IFT74: variants seen among roughly 807,000 people sequenced by gnomAD.
The protein encoded by IFT74 is intraflagellar transport protein 74 homolog.
Under a neutral mutation model 96.7 loss-of-function variants are expected in IFT74, and 92 were observed. That is an observed-to-expected ratio of 0.95 (90% CI 0.80 to 1.13). The LOEUF is 1.13. Ranked by LOEUF, IFT74 falls within the 50% of genes most tolerant of loss-of-function variation. The pLI, the probability that IFT74 is intolerant of heterozygous loss-of-function variation, is 0.00. For missense variants in IFT74, 811 were observed against 698.2 expected, an observed-to-expected ratio of 1.16 and a Z score of -1.82; for synonymous variants, 223 against 213.2, an observed-to-expected ratio of 1.05 and a Z score of -0.40.
chr9:26,978,627 A>G (rs77035983), intron 3 of IFT74, among the ~76,000 whole-genome samples: 1 of 152,194 alleles, frequency 6.6e-6, no homozygotes, highest in South Asian at 2.1e-4. Flanking sequence ...GTCTTGGAGA[A>G]AAGTTCAAGA....
intron 13 of IFT74, among the ~76,000 whole-genome samples, chr9:27,032,340 G>A (rs776242512): frequency 1.3e-5 from 2 of 152,066 alleles, no homozygotes; most frequent in Admixed American, 6.6e-5. Flanking sequence ...TGGGGTTTGC[G>A]GGAGGATCAA....
intron 11 of IFT74, 34 bp downstream of exon 11, chr9:27,017,084 C>A: frequency 6.4e-7 from 1 of 1,572,616 alleles, no homozygotes; most frequent in Non-Finnish European, 8.6e-7. Flanking sequence ...TTTAAGATGT[C>A]TGGTTTTGGT....
At position 27,036,750 on chromosome 9, in the gene IFT74, G is replaced by A. The variant is rs1161163937; in HGVS notation, c.1054+7646G>A. On this transcript the variant is annotated intron_variant, in intron 13 of 19. Transcript: ENST00000380062. ...AATCCCTTACAGACTAAGAGAGAGCGTAAAGTGCTGTCTCTCAACAAGAAA... is the reference window on the plus strand; with the variant it reads ...AATCCCTTACAGACTAAGAGAGAGCATAAAGTGCTGTCTCTCAACAAGAAA... 3.9e-5 allele frequency: 47 copies of A among 1,196,986 alleles called. No homozygotes were observed. The South Asian group carries it at 4.4e-4, about 11-fold the overall frequency. The allele number at this position is 1,196,986 out of a possible 1,614,324, so 74.1% of individuals were successfully genotyped here.
intron 13 of IFT74, among the ~76,000 whole-genome samples, chr9:27,037,220 CAA>C (rs11354662): frequency 1.7e-3 from 157 of 91,352 alleles, no homozygotes; most frequent in South Asian, 3.8e-3. Context: ...AATCCCATCT[CAA>C]AAAAAAAAAA....
rs186639658 is a variant in IFT74, at chr9:27,048,217, A to G, written c.1276A>G (p.Asn426Asp). The G allele has an allele frequency of 6.2e-5, 99 of 1,608,228 alleles. No homozygotes were observed. The East Asian group carries it at 2.1e-3, about 34-fold the overall frequency. Residue 426 changes from asparagine to aspartate, a missense_variant, in exon 16 of 20, where the codon AAT becomes GAT. Asn to Asp is a conservative substitution (Grantham distance 23). Coordinates refer to ENST00000380062, the MANE Select transcript of IFT74 (RefSeq NM_025103.4). ...GCTAAAGATGATGCAGGATGACCTC[A>G]ATTTTAAATCTACTGAAGTGCAGAA... Reference protein sequence around the residue: ...QELKMMQDDLNFKSTEVQKSQ... With the variant: ...QELKMMQDDLDFKSTEVQKSQ...
chr9:26,974,987 G>T (rs1376225942), intron 2 of IFT74, among the ~76,000 whole-genome samples: 1 of 152,140 alleles, frequency 6.6e-6, no homozygotes, highest in East Asian at 1.9e-4. Context: ...TTTTTACATT[G>T]TTCTATCTCA....
chr9:26,987,688 C>T (rs185261860), intron 6 of IFT74, among the ~76,000 whole-genome samples: 39 of 152,248 alleles, frequency 2.6e-4, no homozygotes, highest in African/African-American at 8.2e-4. Context: ...CTGGCTCTAT[C>T]GCTTGCTAAA....
In IFT74 at chr9:26,997,257, AGGAGAGCATCT is replaced by A. The variant is rs1828207257; in HGVS notation, c.587+7063_587+7073del. ...TAATTTTTCCCCCTGGTAATGGGGA[AGGAGAGCATCT>A]ATGCAGCTGTTACTTTTTAGTGTTT... On this transcript the variant is annotated intron_variant, in intron 8 of 19. Coordinates refer to ENST00000380062, the MANE Select transcript of IFT74 (RefSeq NM_025103.4). Among the ~76,000 whole-genome samples the A allele has an allele frequency of 1.4e-4, 22 of 151,920 alleles. 1 individual carries two copies. The South Asian group carries it at 4.6e-3, about 32-fold the overall frequency.
At chr9:26,972,530 G>A (rs1826923908) in intron 2 of IFT74, among the ~76,000 whole-genome samples, 1 of 152,184 alleles carries the variant, frequency 6.6e-6, no homozygotes, top group African/African-American at 2.4e-5. Context: ...GGAAGATAGG[G>A]CTAGAACAGG....
chr9:27,031,290 C>T (rs1014923294), intron 13 of IFT74, among the ~76,000 whole-genome samples: 1 of 151,658 alleles, frequency 6.6e-6, no homozygotes, highest in African/African-American at 2.4e-5. Flanking sequence ...CACGGTGAAA[C>T]CCTGTCTCTA....
At position 27,006,972 on chromosome 9, in the gene IFT74, G is replaced by C. The variant is rs1828822837; in HGVS notation, c.588-2048G>C. On this transcript the variant is annotated intron_variant, in intron 8 of 19. Transcript: ENST00000380062. ...CTGCCTCAGCCTCCCAAGTAGCTGG[G>C]ACTACAGGCGCCCACCATCACGCCC... 2.6e-5 allele frequency among the ~76,000 whole-genome samples: 4 copies of C among 151,426 alleles called. No homozygotes were observed. In the South Asian group the frequency reaches 8.4e-4, roughly 32 times the overall value.
chr9:26,951,960 C>T (rs1218399778), upstream of IFT74, among the ~76,000 whole-genome samples: 1 of 152,166 alleles, frequency 6.6e-6, no homozygotes, highest in Non-Finnish European at 1.5e-5. Flanking sequence ...AAATCACATT[C>T]GTCTTGCCAG....
Position 26,962,037 on chromosome 9 carries a change from C to T in IFT74, c.70C>T (p.Pro24Ser). ...SRGGVGLTGRPPSGIRPLSGN... is the reference protein window; with the variant it reads ...SRGGVGLTGRSPSGIRPLSGN... Reference sequence around the variant, plus strand: ...AGGTGGAGTTGGGTTAACAGGAAGGCCTCCTTCTGGGATACGACCCCTATC... The same window carrying T: ...AGGTGGAGTTGGGTTAACAGGAAGGTCTCCTTCTGGGATACGACCCCTATC... The change falls in exon 2 of 20, where the codon CCT becomes TCT. Residue 24 changes from proline (P) to serine (S), a missense_variant. Physicochemically the swap from Pro to Ser is moderately conservative, Grantham distance 74. Coordinates refer to ENST00000380062, the MANE Select transcript of IFT74 (RefSeq NM_025103.4). 1 of 1,614,140 alleles carries T rather than the reference C, an allele frequency of 6.2e-7. No homozygotes were observed.
At chr9:26,997,170 C>A (rs1454368816) in intron 8 of IFT74, among the ~76,000 whole-genome samples, 3 of 151,312 alleles carry the variant, frequency 2.0e-5, no homozygotes, top group African/African-American at 7.3e-5. Flanking sequence ...TGAGATCACG[C>A]CAATGCATTC....
At chr9:26,947,922 T>G (rs1477613347) in intron 1 of IFT74, among the ~76,000 whole-genome samples, 1 of 152,136 alleles carries the variant, frequency 6.6e-6, no homozygotes, top group African/African-American at 2.4e-5. Context: ...CACCCACCCG[T>G]GGTGCTACTT....
chr9:27,047,456 C>A (rs1428141555), intron 15 of IFT74, 85 bp downstream of exon 15: 1 of 726,240 alleles, frequency 1.4e-6, no homozygotes. Context: ...TAGAACGGCT[C>A]ACTATTGTAT....
chr9:26,990,431 T>G (rs900196430), intron 8 of IFT74, among the ~76,000 whole-genome samples: 1 of 152,236 alleles, frequency 6.6e-6, no homozygotes, highest in Non-Finnish European at 1.5e-5. Flanking sequence ...GGATTTATGC[T>G]GCTAGCAGCT....
At chr9:27,050,403 A>G (rs1420399211) in intron 16 of IFT74, among the ~76,000 whole-genome samples, 1 of 152,192 alleles carries the variant, frequency 6.6e-6, no homozygotes, top group African/African-American at 2.4e-5. Context: ...CATGTGGCTA[A>G]TGGCTGCCAT....
intron 9 of IFT74, 112 bp downstream of exon 9, chr9:27,009,270 C>A: frequency 4.4e-6 from 4 of 900,942 alleles, no homozygotes; most frequent in Non-Finnish European, 6.7e-6. Flanking sequence ...ACTTTGAGAT[C>A]AGTTTTCATT....
Sources: gnomAD v4.1 joint callset for allele counts (sites outside exome capture counted in the v4.1 genomes callset) on GRCh38, gnomAD v4.1.1 for gene constraint, MANE v1.5 for transcripts, NCBI Gene and HGNC (gene_info 2026-07-23, HGNC 2026-07-21) for gene names.